MOK: variants seen among roughly 807,000 people sequenced by gnomAD.
The protein encoded by MOK is MOK protein kinase.
In MOK, 59 loss-of-function variants were observed where a neutral mutation model predicts 54.2. That is an observed-to-expected ratio of 1.09 (90% confidence interval 0.88 to 1.35). MOK has a LOEUF of 1.35. Among genes scored for constraint, MOK ranks in the 40% most tolerant of loss-of-function variants. MOK has a pLI of 0.00. For missense variants in MOK, 517 were observed against 526.2 expected (o/e 0.98, Z 0.17); for synonymous variants, 210 against 202.7 (o/e 1.04, Z -0.31).
chr14:102,264,515 T>C (rs188794695), intron 3 of MOK: 1 of 152,156 alleles, frequency 6.6e-6, no homozygotes. Flanking sequence ...CAGACCCTAC[T>C]CTGGGTGCCT....
intron 7 of MOK, among the ~76,000 whole-genome samples, chr14:102,247,978 G>A (rs1208973996): frequency 6.6e-6 from 1 of 152,084 alleles, no homozygotes; most frequent in Non-Finnish European, 1.5e-5. Context: ...GTTTTTACAG[G>A]ACCGTATCGG....
chr14:102,226,171 C>T (rs551495289), downstream of MOK: 6 of 599,426 alleles, frequency 1.0e-5, no homozygotes, highest in African/African-American at 1.1e-4. This position sits in a 1 kb window ranked among gnomAD's most constrained non-coding sequence, Gnocchi z 4.8. Context: ...CTGCTTACTG[C>T]TTCTCCCTGC....
intron 1 of MOK, among the ~76,000 whole-genome samples, chr14:102,285,361 C>A (rs1283655891): frequency 6.6e-6 from 1 of 152,196 alleles, no homozygotes; most frequent in African/African-American, 2.4e-5. Context: ...GCATGAGCCA[C>A]TGCACCCAAT....
At chr14:102,227,939 T>A (rs574841190), downstream of MOK, among the ~76,000 whole-genome samples, 1 of 152,304 alleles carries the variant, frequency 6.6e-6, no homozygotes, top group East Asian at 1.9e-4. Flanking sequence ...AAATTTAGCC[T>A]TTTTCAAAAA....
At chr14:102,274,481 C>G (rs999534137) in intron 2 of MOK, among the ~76,000 whole-genome samples, 1 of 151,516 alleles carries the variant, frequency 6.6e-6, no homozygotes, top group South Asian at 2.1e-4. Flanking sequence ...GTCTTGAACT[C>G]CTGGGCTCAA....
At chr14:102,261,092 C>T (rs930840496) in intron 4 of MOK, among the ~76,000 whole-genome samples, 52 of 151,656 alleles carry the variant, frequency 3.4e-4, no homozygotes, top group African/African-American at 1.3e-3. Context: ...CCTGTCAGTA[C>T]TAAAAATACA....
downstream of MOK, chr14:102,226,091 G>C: frequency 3.6e-6 from 2 of 557,534 alleles, no homozygotes; most frequent in Non-Finnish European, 6.4e-6. This position sits in a 1 kb window ranked among gnomAD's most constrained non-coding sequence, Gnocchi z 4.8. Flanking sequence ...GGTCACGGTC[G>C]CACTGCTGCC....
At chr14:102,298,761 A>G (rs1448424097) in intron 1 of MOK, among the ~76,000 whole-genome samples, 4 of 152,170 alleles carry the variant, frequency 2.6e-5, no homozygotes, top group Admixed American at 2.0e-4. Context: ...TTCACCCTTT[A>G]AAATAAATCT....
chr14:102,279,493 C>T (rs990545371), intron 2 of MOK, among the ~76,000 whole-genome samples: 6 of 151,906 alleles, frequency 3.9e-5, no homozygotes, highest in Admixed American at 3.9e-4. Flanking sequence ...TTTGGTAGAG[C>T]GGGGGTTTTG....
At position 102,240,205 on chromosome 14, in the gene MOK, CT is replaced by C. The variant is rs1253960679; in HGVS notation, c.591-6417del. On this transcript the variant is annotated intron_variant, in intron 7 of 11. Transcript: ENST00000361847. The surrounding 1 kb of genome is among the most constrained non-coding windows in gnomAD (Gnocchi z 5.4). ...CCAAATCCTATAAAACGACCCACCC[CT>C]ATCTCCCTTTGCTGACTCTGTTTTC... Among the ~76,000 whole-genome samples, 9 of 152,220 alleles carry C rather than the reference CT, an allele frequency of 5.9e-5. No individual in the cohort carries two copies. The highest frequency in any genetic ancestry group is 4.8e-5 in the African/African-American group (2 of 41,456).
intron 3 of MOK, chr14:102,263,866 A>C (rs1232065798): frequency 2.9e-6 from 1 of 342,048 alleles, no homozygotes; most frequent in Non-Finnish European, 5.3e-6. Flanking sequence ...TGTCTTGAAA[A>C]TACATAATTA....
chr14:102,233,425 A>G, intron 8 of MOK: 1 of 444,228 alleles, frequency 2.3e-6, no homozygotes, highest in Non-Finnish European at 4.1e-6. Flanking sequence ...TTACTCAGGG[A>G]ACACAGCCTG....
downstream of MOK, chr14:102,224,444 A>T: frequency 5.2e-6 from 2 of 387,658 alleles, no homozygotes; most frequent in Non-Finnish European, 1.0e-5. Context: ...CAGAATGTGC[A>T]GCTACCAAGC....
At chr14:102,254,440 AT>A (rs1220255579) in intron 4 of MOK, among the ~76,000 whole-genome samples, 1 of 152,204 alleles carries the variant, frequency 6.6e-6, no homozygotes, top group Non-Finnish European at 1.5e-5. Flanking sequence ...ATTAATATCT[AT>A]AACAGATAAA....
Position 102,294,175 on chromosome 14 carries a change from G to A in MOK, c.8-10583C>T, listed in dbSNP as rs190004389. Among the ~76,000 whole-genome samples, 449 of 151,192 alleles carry A rather than the reference G, an allele frequency of 3.0e-3. 2 individuals carry two copies. Among genetic ancestry groups the A allele is most frequent in the Non-Finnish European group, 3.7e-3 (253 of 67,992 alleles). ...AAATTAGCCAGGTGAGGCCGGGTGC[G>A]GTGGCTCATGCCTGTAATCCCAGCA... is the stretch of plus-strand genomic sequence containing the variant. On this transcript the variant is annotated intron_variant, in intron 1 of 11. Transcript: ENST00000361847.
downstream of MOK, among the ~76,000 whole-genome samples, chr14:102,220,144 T>A (rs1047181276): frequency 3.9e-5 from 6 of 152,218 alleles, no homozygotes; most frequent in African/African-American, 1.4e-4. The surrounding 1 kb of genome is among the most constrained non-coding windows in gnomAD (Gnocchi z 4.2). Context: ...GGCAGCCTGG[T>A]GGCTGCGCCA....
chr14:102,226,865 G>A (rs2064270860), downstream of MOK, among the ~76,000 whole-genome samples: 2 of 152,196 alleles, frequency 1.3e-5, no homozygotes, highest in African/African-American at 2.4e-5. This position sits in a 1 kb window ranked among gnomAD's most constrained non-coding sequence, Gnocchi z 4.8. Flanking sequence ...GCTGGGCTCT[G>A]GTCCCCTGCT....
chr14:102,285,403 T>C (rs897226792), intron 1 of MOK, among the ~76,000 whole-genome samples: 2 of 152,168 alleles, frequency 1.3e-5, no homozygotes, highest in Non-Finnish European at 2.9e-5. Flanking sequence ...GCGCTGAAGG[T>C]GGGCATCCTC....
intron 4 of MOK, among the ~76,000 whole-genome samples, chr14:102,262,527 C>T (rs1441695242): frequency 1.3e-5 from 2 of 152,214 alleles, no homozygotes; most frequent in Non-Finnish European, 2.9e-5. Context: ...TAGTAATTTA[C>T]TATCACACAC....
Sources: allele counts gnomAD v4.1 joint callset (sites outside exome capture counted in the v4.1 genomes callset), GRCh38; gene constraint gnomAD v4.1.1; non-coding constraint Gnocchi (gnomAD v3.1); transcripts MANE v1.5; gene names NCBI Gene and HGNC (gene_info 2026-07-23, HGNC 2026-07-21).